The following TFAP2D variants were observed in gnomAD, a reference collection of about 807,000 sequenced individuals.
The protein encoded by TFAP2D is transcription factor AP-2-delta.
A neutral mutation model predicts 43.6 loss-of-function variants in TFAP2D; 9 were observed. The observed-to-expected ratio is 0.21, with a 90% confidence interval of 0.12 to 0.36. The LOEUF (loss-of-function observed/expected upper bound fraction) is 0.36, where lower values mean the gene tolerates loss of function less well. Among genes scored for constraint, TFAP2D ranks in the 10% least tolerant of loss-of-function variants. The probability of loss-of-function intolerance (pLI) is 1.00; values close to 1 mark genes in which losing one functional copy is unlikely to be tolerated. For synonymous variants in TFAP2D, 256 were observed against 224.9 expected (o/e 1.14, Z -1.24); for missense variants, 513 against 561.4 (o/e 0.91, Z 0.87).
intron 6 of TFAP2D, among the ~76,000 whole-genome samples, chr6:50,749,480 A>C (rs572401910): frequency 1.3e-5 from 2 of 152,032 alleles, no homozygotes; most frequent in South Asian, 4.1e-4. Context: ...AAACAACACC[A>C]ATCTTTCTTT....
At chr6:50,719,501 G>GT (rs1554151923) in intron 3 of TFAP2D, among the ~76,000 whole-genome samples, 1 of 133,568 alleles carries the variant, frequency 7.5e-6, no homozygotes, top group East Asian at 2.2e-4. Flanking sequence ...AAGAAAGAAA[G>GT]AAGTTTCTCA....
chr6:50,763,148 A>C (rs1292470121), intron 7 of TFAP2D, among the ~76,000 whole-genome samples: 1 of 152,240 alleles, frequency 6.6e-6, no homozygotes, highest in Non-Finnish European at 1.5e-5. Context: ...TGTCTATCAC[A>C]CTAAGGTTTT....
At chr6:50,771,802 A>G (rs1351651237) in intron 7 of TFAP2D, among the ~76,000 whole-genome samples, 1 of 152,180 alleles carries the variant, frequency 6.6e-6, no homozygotes, top group Admixed American at 6.5e-5. Context: ...GGGGACTGTA[A>G]ACTAGTTCAA....
At chr6:50,770,454 C>G (rs1029419274) in intron 7 of TFAP2D, among the ~76,000 whole-genome samples, 4 of 151,808 alleles carry the variant, frequency 2.6e-5, no homozygotes, top group Non-Finnish European at 2.9e-5. Context: ...ATGATGGAGG[C>G]TCAGGGAAGA....
chr6:50,725,517 A>T (rs1263341997), intron 3 of TFAP2D, among the ~76,000 whole-genome samples: 2 of 152,256 alleles, frequency 1.3e-5, no homozygotes, highest in Admixed American at 1.3e-4. Flanking sequence ...AATCAAAGAC[A>T]TTCTTAATTG....
intron 2 of TFAP2D, among the ~76,000 whole-genome samples, chr6:50,717,327 C>A (rs1168056749): frequency 6.6e-6 from 1 of 152,190 alleles, no homozygotes; most frequent in Admixed American, 6.5e-5. Context: ...GTCATCCGAC[C>A]AAACAACATG....
intron 7 of TFAP2D, among the ~76,000 whole-genome samples, chr6:50,752,146 A>C (rs1017394560): frequency 2.6e-5 from 4 of 151,946 alleles, no homozygotes; most frequent in African/African-American, 7.2e-5. Flanking sequence ...AGAGCATGAA[A>C]TGTATTATTG....
intron 3 of TFAP2D, among the ~76,000 whole-genome samples, chr6:50,727,223 C>T (rs532422212): frequency 6.6e-6 from 1 of 152,224 alleles, no homozygotes; most frequent in African/African-American, 2.4e-5. Flanking sequence ...ACTTGGGTGA[C>T]CAAAAGACAG....
intron 7 of TFAP2D, 52 bp downstream of exon 7, chr6:50,751,376 T>C (rs1375499107): frequency 8.1e-7 from 1 of 1,227,666 alleles, no homozygotes; most frequent in African/African-American, 1.5e-5. Flanking sequence ...CAGATGCTTG[T>C]ATTCCTATCA....
chr6:50,718,378 C>G (rs1049472879), intron 2 of TFAP2D, among the ~76,000 whole-genome samples: 6 of 152,184 alleles, frequency 3.9e-5, no homozygotes, highest in African/African-American at 1.4e-4. Flanking sequence ...CTTTCATGTC[C>G]AATACCTCGT....
intron 7 of TFAP2D, among the ~76,000 whole-genome samples, chr6:50,760,413 A>G (rs1158069995): frequency 6.6e-6 from 1 of 151,978 alleles, no homozygotes; most frequent in Admixed American, 6.6e-5. Flanking sequence ...TTGGGGTGGG[A>G]CACATACATT....
Position 50,772,653 on chromosome 6 carries a change from C to A in TFAP2D, c.1148C>A (p.Thr383Asn), listed in dbSNP as rs746205303. ...TCACTTCTCATTTCCAGTTTGATCA[C>A]TCATGGCTTTGGGACTCCGGCAATA... ...QRHLTHFSLI[T>N]HGFGTPAICA... The change falls in exon 8 of 8, where the codon ACT becomes AAT. Residue 383 changes from threonine (T) to asparagine (N), a missense_variant. Coordinates refer to ENST00000008391, the MANE Select transcript of TFAP2D (RefSeq NM_172238.4). 6.2e-7 allele frequency: 1 copy of A among 1,613,914 alleles called. No individual in the cohort carries two copies.
intron 1 of TFAP2D, 52 bp downstream of exon 1, chr6:50,714,146 C>CGGCGGCGGA (rs1768575550): frequency 6.4e-7 from 1 of 1,553,462 alleles, no homozygotes; most frequent in East Asian, 2.3e-5. Flanking sequence ...TGTGTGGCGG[C>CGGCGGCGGA]GGCGGCGGTG....
chr6:50,762,029 T>A (rs529678683), intron 7 of TFAP2D, among the ~76,000 whole-genome samples: 40 of 152,190 alleles, frequency 2.6e-4, no homozygotes, highest in African/African-American at 9.4e-4. Flanking sequence ...AATTTCTAAG[T>A]ATAAACACTG....
intron 7 of TFAP2D, among the ~76,000 whole-genome samples, chr6:50,766,869 C>T (rs916776490): frequency 4.4e-4 from 66 of 151,600 alleles, no homozygotes; most frequent in Non-Finnish European, 7.8e-4. Flanking sequence ...GGGGTTTCAC[C>T]TTGTTAGCCA....
chr6:50,763,029 ATCT>A (rs139531959), intron 7 of TFAP2D, among the ~76,000 whole-genome samples: 1,974 of 152,088 alleles, frequency 0.013, 44 homozygotes, highest in African/African-American at 0.045. Context: ...CTTCAGTCAG[ATCT>A]TCTTCTTAGT....
chr6:50,716,783 G>A (rs748323466), intron 2 of TFAP2D, among the ~76,000 whole-genome samples: 1 of 152,092 alleles, frequency 6.6e-6, no homozygotes, highest in Non-Finnish European at 1.5e-5. Flanking sequence ...CACTCTCCAG[G>A]ACAAATAGGG....
At position 50,728,981 on chromosome 6, in the gene TFAP2D, G is replaced by T. The variant is rs1320341834; in HGVS notation, c.724G>T (p.Glu242Ter). 1 of 1,613,970 alleles carries T rather than the reference G, an allele frequency of 6.2e-7. No individual in the cohort carries two copies. The highest frequency in any genetic ancestry group is 8.5e-7 in the Non-Finnish European group (1 of 1,179,916). ...GGTAAAGAGGCGCCTCTCCCCACCT[G>T]AGTGCCTCAATGCTTCACTCTTGGG... ...AEVKRRLSPP[E>*]CLNASLLGGI... Residue 242 changes from glutamate to a stop codon, truncating the protein, a stop_gained, in exon 4 of 8, where the codon GAG becomes TAG. Coordinates refer to ENST00000008391, the MANE Select transcript of TFAP2D (RefSeq NM_172238.4). LOFTEE classifies it high-confidence loss of function.
chr6:50,748,532 T>C (rs1284727910), intron 6 of TFAP2D, among the ~76,000 whole-genome samples: 4 of 151,880 alleles, frequency 2.6e-5, no homozygotes, highest in Non-Finnish European at 5.9e-5. Flanking sequence ...AGTATACAAT[T>C]GTATAAAGGG....
Sources: gnomAD v4.1 joint callset for allele counts (sites outside exome capture counted in the v4.1 genomes callset) on GRCh38, gnomAD v4.1.1 for gene constraint, MANE v1.5 for transcripts, NCBI Gene and HGNC (gene_info 2026-07-23, HGNC 2026-07-21) for gene names.